Variants in EPSTI1 observed in about 807,000 individuals in gnomAD.
The protein encoded by EPSTI1 is epithelial stromal interaction 1, also known as epithelial-stromal interaction protein 1.
Under a neutral mutation model 49.9 loss-of-function variants are expected in EPSTI1, and 66 were observed. The observed-to-expected ratio is 1.32, with a 90% CI of 1.08 to 1.62. EPSTI1 has a LOEUF of 1.62. EPSTI1 is among the 40% of genes most tolerant of loss of function. The pLI is 0.00. For missense variants in EPSTI1, 394 were observed against 365.5 expected (o/e 1.08, Z -0.64); for synonymous variants, 137 against 130.7 (o/e 1.05, Z -0.33).
intron 8 of EPSTI1, among the ~76,000 whole-genome samples, chr13:42,903,244 G>C (rs1473961114): frequency 2.6e-5 from 4 of 151,658 alleles, no homozygotes; most frequent in Non-Finnish European, 5.9e-5. Context: ...AATTTTTTCA[G>C]ACTTGGCAAA....
intron 6 of EPSTI1, among the ~76,000 whole-genome samples, chr13:42,940,996 T>G (rs1020366066): frequency 6.6e-6 from 1 of 152,158 alleles, no homozygotes; most frequent in South Asian, 2.1e-4. Context: ...GAGGCAAATA[T>G]TTTTTCCTAG....
rs138092210 is a variant in EPSTI1 at position 42,912,262 on chromosome 13, T to C, written c.741+5279A>G. Among the ~76,000 whole-genome samples, 83 of 152,340 alleles carry C rather than the reference T, an allele frequency of 5.4e-4. 1 individual carries two copies. In the East Asian group the frequency reaches 0.015, roughly 28 times the overall value. ...CTGAAGGAGCTCCAGGAGGGAATAC[T>C]GGGACAGTCATTTAGATGATCAGTT... On this transcript the variant is annotated intron_variant, in intron 8 of 10. Transcript: ENST00000313624.
chr13:42,977,664 C>T (rs1015951278), intron 1 of EPSTI1, among the ~76,000 whole-genome samples: 4 of 152,220 alleles, frequency 2.6e-5, no homozygotes, highest in Non-Finnish European at 5.9e-5. Flanking sequence ...ACCATGAAAA[C>T]ACCACATCAG....
intron 8 of EPSTI1, among the ~76,000 whole-genome samples, chr13:42,914,700 A>G (rs538491825): frequency 6.6e-5 from 10 of 152,308 alleles, no homozygotes; most frequent in African/African-American, 2.4e-4. Context: ...ATCTCTGAGG[A>G]TAGCAAAATC....
chr13:42,964,195 C>T, intron 3 of EPSTI1, 56 bp from the exon 4 acceptor site: 1 of 1,331,568 alleles, frequency 7.5e-7, no homozygotes. Context: ...GAAATGTCAG[C>T]CATCGAGGAC....
chr13:42,920,358 C>T (rs1222231353), intron 7 of EPSTI1, among the ~76,000 whole-genome samples: 1 of 152,104 alleles, frequency 6.6e-6, no homozygotes, highest in Non-Finnish European at 1.5e-5. Context: ...ACCAAGAGAT[C>T]CATATTCACA....
At chr13:42,898,925 C>T (rs146270409) in intron 9 of EPSTI1, among the ~76,000 whole-genome samples, 293 of 152,172 alleles carry the variant, frequency 1.9e-3, no homozygotes, top group African/African-American at 6.7e-3. Context: ...AGGGCAGGTG[C>T]GGTGGCTCAC....
chr13:42,948,439 T>TC (rs1346776310), intron 6 of EPSTI1, among the ~76,000 whole-genome samples: 1 of 149,846 alleles, frequency 6.7e-6, no homozygotes, highest in Non-Finnish European at 1.5e-5. Flanking sequence ...TTTTTTTTTT[T>TC]TTGCTGTTTG....
At chr13:42,921,379 A>G (rs73468066) in intron 7 of EPSTI1, among the ~76,000 whole-genome samples, 24,723 of 152,134 alleles carry the variant, frequency 0.16, 3,345 homozygotes, top group African/African-American at 0.37. Context: ...TGGAATAGTC[A>G]TCAATAAAAA....
At chr13:42,947,450 C>T (rs1236512110) in intron 6 of EPSTI1, among the ~76,000 whole-genome samples, 2 of 152,200 alleles carry the variant, frequency 1.3e-5, no homozygotes, top group African/African-American at 2.4e-5. Context: ...AGGTCTTCCA[C>T]CCCAAGTCCT....
chr13:42,924,981 A>C (rs776047211), intron 7 of EPSTI1, among the ~76,000 whole-genome samples: 4 of 152,152 alleles, frequency 2.6e-5, no homozygotes, highest in Non-Finnish European at 5.9e-5. Flanking sequence ...GACTTTAAGA[A>C]ACTTAAATTC....
At chr13:42,907,917 G>A (rs1458923269) in intron 8 of EPSTI1, among the ~76,000 whole-genome samples, 1 of 152,118 alleles carries the variant, frequency 6.6e-6, no homozygotes, top group East Asian at 1.9e-4. Context: ...CAATGGAACA[G>A]AATAGAGAGT....
At chr13:42,987,378 A>G (rs984851646) in intron 1 of EPSTI1, among the ~76,000 whole-genome samples, 15 of 151,852 alleles carry the variant, frequency 9.9e-5, no homozygotes, top group Non-Finnish European at 2.1e-4. Context: ...ACTCCTAATG[A>G]TCCTGTAGAC....
chr13:42,927,129 T>C (rs2038208814), intron 6 of EPSTI1, among the ~76,000 whole-genome samples: 2 of 152,146 alleles, frequency 1.3e-5, no homozygotes. Flanking sequence ...TTCTAATATC[T>C]CTTTTTAGCT....
chr13:42,939,831 A>T (rs987727408), intron 6 of EPSTI1, among the ~76,000 whole-genome samples: 4 of 152,242 alleles, frequency 2.6e-5, no homozygotes, highest in Non-Finnish European at 5.9e-5. Flanking sequence ...ATAAAATTTT[A>T]AAAAATGAAA....
rs574766104 is a variant in EPSTI1, at chr13:42,979,580, GTCTCAAAA to G, written c.189-8918_189-8911del. ...AGCCTGGGCGACAGAGGGAGACTCCGTCTCAAAAAAAAAAAAAAAAAAGAAAAGAAAAG... is the reference window on the plus strand; with the variant it reads ...AGCCTGGGCGACAGAGGGAGACTCCGAAAAAAAAAAAAAAGAAAAGAAAAG... On this transcript the variant is annotated intron_variant, in intron 1 of 10. Transcript: ENST00000313624. Among the ~76,000 whole-genome samples, 514 of 84,758 alleles carry G rather than the reference GTCTCAAAA, an allele frequency of 6.1e-3. 2 individuals are homozygous for G. Among genetic ancestry groups the G allele is most frequent in the African/African-American group, 0.026 (494 of 19,126 alleles). The allele number at this position is 84,758 out of a possible 152,430, so 55.6% of individuals were successfully genotyped here.
At chr13:42,901,003 G>C (rs560748186) in intron 8 of EPSTI1, among the ~76,000 whole-genome samples, 1 of 152,136 alleles carries the variant, frequency 6.6e-6, no homozygotes, top group East Asian at 1.9e-4. Flanking sequence ...TATCTTCTTG[G>C]AAGAGGCAAC....
rs1179411324 is a variant in EPSTI1, at chr13:42,922,247, C to A, written c.657+4089G>T. The stretch of plus-strand genomic sequence containing the variant: ...AACAGGTGGTGGGTTGCATAATGGC[C>A]CCCCAAAGACGTCCCAATCCCTGGA... On this transcript the variant is annotated intron_variant, in intron 7 of 10. Transcript: ENST00000313624. The surrounding 1 kb of genome is among the most constrained non-coding windows in gnomAD (Gnocchi z 4.8). 6.6e-6 allele frequency among the ~76,000 whole-genome samples: 1 copy of A among 152,114 alleles called. No homozygotes were observed. The highest frequency in any genetic ancestry group is 1.5e-5 in the Non-Finnish European group (1 of 68,022).
chr13:42,950,380 G>A (rs17063888), intron 6 of EPSTI1, among the ~76,000 whole-genome samples: 2 of 152,182 alleles, frequency 1.3e-5, no homozygotes, highest in African/African-American at 2.4e-5. Flanking sequence ...AGATTAATGC[G>A]TACAATTAGA....
Sources: allele counts gnomAD v4.1 joint callset (sites outside exome capture counted in the v4.1 genomes callset), GRCh38; gene constraint gnomAD v4.1.1; non-coding constraint Gnocchi (gnomAD v3.1); transcripts MANE v1.5; gene names NCBI Gene and HGNC (gene_info 2026-07-23, HGNC 2026-07-21).